SRD5A2: variants seen among roughly 807,000 people sequenced by gnomAD.
The protein encoded by SRD5A2 is 3-oxo-5-alpha-steroid 4-dehydrogenase 2.
A neutral mutation model predicts 27.4 loss-of-function variants in SRD5A2; 30 were observed. The observed-to-expected ratio is 1.10, with a 90% CI of 0.82 to 1.49. SRD5A2 has a LOEUF of 1.49. Ranked by LOEUF, SRD5A2 falls within the 40% of genes most tolerant of loss-of-function variation. The probability of loss-of-function intolerance (pLI) is 0.00; values close to 1 mark genes in which losing one functional copy is unlikely to be tolerated. For missense variants in SRD5A2, 348 were observed against 323.4 expected (o/e 1.08, Z -0.58); for synonymous variants, 141 against 133.6 (o/e 1.06, Z -0.38).
the SRD5A2 span, among the ~76,000 whole-genome samples, chr2:31,630,520 T>G: frequency 2.6e-5 from 4 of 152,178 alleles, no homozygotes; most frequent in African/African-American, 9.6e-5. Context: ...CTGAAAACAC[T>G]GAGACCACTG....
At chr2:31,611,838 CA>C in the SRD5A2 span, among the ~76,000 whole-genome samples, 1 of 151,612 alleles carries the variant, frequency 6.6e-6, no homozygotes, top group African/African-American at 2.4e-5. Context: ...AGCATGTTTC[CA>C]AAAAAAGACT....
chr2:31,547,654 C>T (rs28745294), intron 1 of SRD5A2, among the ~76,000 whole-genome samples: 52 of 152,296 alleles, frequency 3.4e-4, no homozygotes, highest in African/African-American at 1.2e-3. Context: ...CAGCAATTCT[C>T]CAGGCTCTCG....
At chr2:31,528,926 T>C (rs1010476338) in intron 4 of SRD5A2, among the ~76,000 whole-genome samples, 1 of 152,196 alleles carries the variant, frequency 6.6e-6, no homozygotes, top group African/African-American at 2.4e-5. Context: ...TGAGGCTTTA[T>C]CTAAGCATCT....
At chr2:31,591,146 G>T in the SRD5A2 span, among the ~76,000 whole-genome samples, 44 of 152,306 alleles carry the variant, frequency 2.9e-4, no homozygotes, top group African/African-American at 9.6e-4. Context: ...AGAGTGAACA[G>T]GCAACATACA....
chr2:31,644,234 C>A, the SRD5A2 span, among the ~76,000 whole-genome samples: 5 of 152,094 alleles, frequency 3.3e-5, no homozygotes, highest in Non-Finnish European at 7.4e-5. Flanking sequence ...AAATAACTAA[C>A]CTGCACTCTT....
the SRD5A2 span, among the ~76,000 whole-genome samples, chr2:31,626,614 CAT>C: frequency 6.6e-6 from 1 of 152,224 alleles, no homozygotes; most frequent in Admixed American, 6.5e-5. Context: ...TTGAGATAAT[CAT>C]GTGGTTTTTC....
At chr2:31,589,568 G>T in the SRD5A2 span, among the ~76,000 whole-genome samples, 6 of 152,206 alleles carry the variant, frequency 3.9e-5, no homozygotes, top group Non-Finnish European at 8.8e-5. Flanking sequence ...GAGGGCTGGA[G>T]GCCTTGTGCC....
At chr2:31,613,789 CA>C in the SRD5A2 span, among the ~76,000 whole-genome samples, 1 of 152,034 alleles carries the variant, frequency 6.6e-6, no homozygotes, top group Non-Finnish European at 1.5e-5. Context: ...CTCACAATCA[CA>C]GTGGAGGGCA....
intron 1 of SRD5A2, among the ~76,000 whole-genome samples, chr2:31,563,811 CA>C (rs2148091429): frequency 6.6e-6 from 1 of 152,152 alleles, no homozygotes; most frequent in Non-Finnish European, 1.5e-5. Context: ...TAGAAAAGCT[CA>C]TATAAGACAT....
chr2:31,651,793 G>A, the SRD5A2 span: 1 of 152,644 alleles, frequency 6.6e-6, no homozygotes, highest in Non-Finnish European at 1.5e-5. Flanking sequence ...AGGAATTGCT[G>A]AACATTGTGT....
intron 1 of SRD5A2, among the ~76,000 whole-genome samples, chr2:31,544,516 A>T (rs1192183582): frequency 6.6e-6 from 1 of 151,954 alleles, no homozygotes; most frequent in African/African-American, 2.4e-5. Context: ...AATGAAAATG[A>T]CAACATAACA....
upstream of SRD5A2, among the ~76,000 whole-genome samples, chr2:31,584,241 T>C (rs115058936): frequency 5.9e-5 from 9 of 152,296 alleles, no homozygotes; most frequent in East Asian, 1.9e-4. Context: ...GTAGAAATGA[T>C]CTACAGAGTA....
intron 2 of SRD5A2, among the ~76,000 whole-genome samples, chr2:31,532,470 T>C (rs1369990560): frequency 6.6e-6 from 1 of 151,952 alleles, no homozygotes; most frequent in Non-Finnish European, 1.5e-5. Context: ...CCACATATCC[T>C]GGAGGTGTCT....
chr2:31,641,538 C>A, the SRD5A2 span, among the ~76,000 whole-genome samples: 1 of 152,054 alleles, frequency 6.6e-6, no homozygotes, highest in Non-Finnish European at 1.5e-5. Context: ...TGTGACCATC[C>A]TTTACAATAT....
At chr2:31,545,406 T>C (rs1264035593) in intron 1 of SRD5A2, among the ~76,000 whole-genome samples, 1 of 152,128 alleles carries the variant, frequency 6.6e-6, no homozygotes, top group Non-Finnish European at 1.5e-5. Context: ...AATTCTAGAA[T>C]GCAAGGATAA....
At chr2:31,648,622 G>A in the SRD5A2 span, among the ~76,000 whole-genome samples, 15 of 152,190 alleles carry the variant, frequency 9.9e-5, no homozygotes, top group Non-Finnish European at 1.9e-4. Context: ...TAGAGCAAAA[G>A]CTGCTTCCTC....
chr2:31,605,780 A>G, the SRD5A2 span, among the ~76,000 whole-genome samples: 1 of 151,904 alleles, frequency 6.6e-6, no homozygotes, highest in Non-Finnish European at 1.5e-5. Context: ...TATATGATCC[A>G]GCAATCCCAC....
chr2:31,593,026 T>C, the SRD5A2 span, among the ~76,000 whole-genome samples: 6 of 151,710 alleles, frequency 4.0e-5, no homozygotes, highest in African/African-American at 7.3e-5. Context: ...AACCAAACAC[T>C]GCATGTTCTC....
chr2:31,629,980 A>G, the SRD5A2 span, among the ~76,000 whole-genome samples: 147 of 152,322 alleles, frequency 9.7e-4, no homozygotes, highest in African/African-American at 3.2e-3. Context: ...ATGAACCCAG[A>G]GAGTCCTGTC....
Sources: allele counts gnomAD v4.1 joint callset (sites outside exome capture counted in the v4.1 genomes callset), GRCh38; gene constraint gnomAD v4.1.1; transcripts MANE v1.5; gene names NCBI Gene and HGNC (gene_info 2026-07-23, HGNC 2026-07-21).